Variants in GULP1 observed in about 807,000 individuals in gnomAD.
GULP1 encodes GULP PTB domain containing engulfment adaptor 1, also known as PTB domain-containing engulfment adapter protein 1.
A neutral mutation model predicts 40.9 loss-of-function variants in GULP1; 19 were observed. The observed-to-expected ratio is 0.46, with a 90% CI of 0.32 to 0.68. The LOEUF is 0.68. Ranked by LOEUF, GULP1 falls within the 30% of genes least tolerant of loss-of-function variation. The probability of loss-of-function intolerance (pLI) is 0.03; values close to 1 mark genes in which losing one functional copy is unlikely to be tolerated. For missense variants in GULP1, 312 were observed against 362.2 expected (o/e 0.86, Z 1.12); for synonymous variants, 119 against 117.6 (o/e 1.01, Z -0.08).
At chr2:188,552,251 A>G (rs965695341) in intron 7 of GULP1, among the ~76,000 whole-genome samples, 2 of 151,760 alleles carry the variant, frequency 1.3e-5, no homozygotes, top group Admixed American at 1.3e-4. Flanking sequence ...GCCTAGCCCA[A>G]TGTTCAGTAG....
At chr2:188,415,610 A>T (rs1441735070) in intron 2 of GULP1, among the ~76,000 whole-genome samples, 1 of 152,176 alleles carries the variant, frequency 6.6e-6, no homozygotes, top group Non-Finnish European at 1.5e-5. Context: ...AGGCACAAAT[A>T]GAAGAACCTT....
intron 1 of GULP1, among the ~76,000 whole-genome samples, chr2:188,349,913 A>G (rs34711211): frequency 0.14 from 21,996 of 152,064 alleles, 2,061 homozygotes; most frequent in South Asian, 0.26. Flanking sequence ...GTCCAACTTC[A>G]TTATTTTACA....
intron 1 of GULP1, among the ~76,000 whole-genome samples, chr2:188,353,485 G>A (rs1388463463): frequency 1.3e-5 from 2 of 152,148 alleles, no homozygotes; most frequent in Admixed American, 1.3e-4. Flanking sequence ...CTGAGCTGAA[G>A]CTACACATTG....
intron 4 of GULP1, among the ~76,000 whole-genome samples, chr2:188,515,706 G>GACACACACAC (rs58687237): frequency 6.9e-6 from 1 of 145,346 alleles, no homozygotes; most frequent in Non-Finnish European, 1.5e-5. Flanking sequence ...TACACACACA[G>GACACACACAC]ACACACACAC....
chr2:188,378,700 A>G (rs937461994), intron 1 of GULP1, among the ~76,000 whole-genome samples: 3 of 152,052 alleles, frequency 2.0e-5, no homozygotes, highest in Non-Finnish European at 1.5e-5. Flanking sequence ...AGCTCTTACA[A>G]GGGACTAACA....
At chr2:188,321,737 C>A (rs533146967) in intron 1 of GULP1, among the ~76,000 whole-genome samples, 2 of 151,870 alleles carry the variant, frequency 1.3e-5, no homozygotes, top group Non-Finnish European at 2.9e-5. Context: ...ACTCAGGTAG[C>A]CAAGCATGGT....
At chr2:188,558,234 G>T (rs1461322535) in intron 7 of GULP1, among the ~76,000 whole-genome samples, 1 of 152,104 alleles carries the variant, frequency 6.6e-6, no homozygotes, top group African/African-American at 2.4e-5. Flanking sequence ...ATATGTTGTG[G>T]ACGGAACCCA....
chr2:188,430,666 T>A (rs1222261812), intron 2 of GULP1, among the ~76,000 whole-genome samples: 1 of 152,198 alleles, frequency 6.6e-6, no homozygotes. Flanking sequence ...TCAGCTCCAT[T>A]TTCCCTTGAG....
intron 7 of GULP1, among the ~76,000 whole-genome samples, chr2:188,562,626 CAAGTAGAAAAA>C (rs1159835098): frequency 6.6e-6 from 1 of 151,818 alleles, no homozygotes; most frequent in Non-Finnish European, 1.5e-5. Context: ...ATTGACAGAA[CAAGTAGAAAAA>C]AAGTCAATAA....
intron 1 of GULP1, chr2:188,297,476 G>A: frequency 2.1e-6 from 1 of 477,254 alleles, no homozygotes; most frequent in Non-Finnish European, 4.4e-6. Context: ...TGTTACAGTT[G>A]ATCCATTTCT....
At chr2:188,538,193 A>G (rs1689451766) in intron 6 of GULP1, among the ~76,000 whole-genome samples, 1 of 151,294 alleles carries the variant, frequency 6.6e-6, no homozygotes, top group Non-Finnish European at 1.5e-5. Context: ...ATTCAATTCC[A>G]CTCAGATTTT....
At chr2:188,345,898 C>T (rs928167398) in intron 1 of GULP1, among the ~76,000 whole-genome samples, 1 of 152,182 alleles carries the variant, frequency 6.6e-6, no homozygotes, top group African/African-American at 2.4e-5. Context: ...CTTGCATATA[C>T]TGAATGTGTC....
intron 5 of GULP1, among the ~76,000 whole-genome samples, chr2:188,527,096 T>C (rs1686363345): frequency 6.6e-6 from 1 of 152,186 alleles, no homozygotes. Context: ...CTCTCCACTT[T>C]GTTTTTCTAC....
At chr2:188,391,515 T>A (rs1417875799) in intron 2 of GULP1, among the ~76,000 whole-genome samples, 1 of 152,008 alleles carries the variant, frequency 6.6e-6, no homozygotes, top group African/African-American at 2.4e-5. Context: ...TTTGGAGAAG[T>A]CTTCATGGTT....
chr2:188,395,174 G>A (rs1046900054), intron 2 of GULP1, among the ~76,000 whole-genome samples: 1 of 152,032 alleles, frequency 6.6e-6, no homozygotes, highest in Non-Finnish European at 1.5e-5. Flanking sequence ...GGGAACAGTC[G>A]GAGGCACCTG....
At chr2:188,434,432 A>T (rs1321806170) in intron 2 of GULP1, among the ~76,000 whole-genome samples, 2 of 151,616 alleles carry the variant, frequency 1.3e-5, no homozygotes, top group Non-Finnish European at 2.9e-5. Context: ...CTTGATATGT[A>T]CATGTTTTTG....
chr2:188,572,887 T>C lies in GULP1; in HGVS notation c.609+2767T>C, dbSNP rs142783711. 3.9e-5 allele frequency among the ~76,000 whole-genome samples: 6 copies of C among 152,196 alleles called. No individual in the cohort carries two copies. The East Asian group carries it at 1.2e-3, about 29-fold the overall frequency. ...TGTGGAGAAAGGGTCTAGAAGATGA[T>C]CAAAGGATGCAACATTTTAATTAGG... On this transcript the variant is annotated intron_variant, in intron 9 of 11. Transcript: ENST00000409830.
intron 2 of GULP1, among the ~76,000 whole-genome samples, chr2:188,438,493 T>C (rs1027609629): frequency 2.0e-5 from 3 of 150,936 alleles, no homozygotes; most frequent in Admixed American, 6.6e-5. Flanking sequence ...ATAACAATTA[T>C]TAATATAATT....
intron 11 of GULP1, chr2:188,591,318 T>C (rs1046679530): frequency 6.6e-6 from 1 of 152,100 alleles, no homozygotes; most frequent in Non-Finnish European, 1.5e-5. Flanking sequence ...CTGTAAATTG[T>C]TGGCAGTCCA....
Sources: allele counts gnomAD v4.1 joint callset (sites outside exome capture counted in the v4.1 genomes callset), GRCh38; gene constraint gnomAD v4.1.1; transcripts MANE v1.5; gene names NCBI Gene and HGNC (gene_info 2026-07-23, HGNC 2026-07-21).